The following PCDHA5 variants were observed in gnomAD, a reference collection of about 807,000 sequenced individuals.
PCDHA5 encodes the protein protocadherin alpha-5.
Under a neutral mutation model 61.6 loss-of-function variants are expected in PCDHA5, and 43 were observed. The observed-to-expected ratio is 0.70, with a 90% CI of 0.55 to 0.90. The LOEUF is 0.90. PCDHA5 is among the 40% of genes least tolerant of loss of function. The pLI, the probability that PCDHA5 is intolerant of heterozygous loss-of-function variation, is 0.00. For synonymous variants in PCDHA5, 627 were observed against 543.9 expected, an observed-to-expected ratio of 1.15 and a Z score of -2.13; for missense variants, 1,298 against 1,222.7, an observed-to-expected ratio of 1.06 and a Z score of -0.92.
Position 140,823,924 on chromosome 5 carries a change from T to A in PCDHA5, c.2149T>A (p.Tyr717Asn). ...SSLLVLTLLL[Y>N]TALRCSAQPT... ...CCTGCTGGTGCTCACGCTGCTGCTG[T>A]ACACCGCGCTGCGGTGCTCGGCGCA... Residue 717 changes from tyrosine to asparagine, a missense_variant, in exon 1 of 4, where the codon TAC becomes AAC. Physicochemically the swap from Tyr to Asn is moderately radical, Grantham distance 143 (BLOSUM62 -2). Coordinates refer to ENST00000529859, the MANE Select transcript of PCDHA5 (RefSeq NM_018908.3). The A allele has an allele frequency of 6.2e-7, 1 of 1,613,970 alleles. No homozygotes were observed. Among genetic ancestry groups the A allele is most frequent in the East Asian group, 2.2e-5 (1 of 44,870 alleles).
At chr5:140,964,840 C>G (rs1270845085) in intron 1 of PCDHA5, among the ~76,000 whole-genome samples, 1 of 152,152 alleles carries the variant, frequency 6.6e-6, no homozygotes, top group Non-Finnish European at 1.5e-5. Flanking sequence ...GCTTCCTACT[C>G]TGTACCCTTG....
intron 1 of PCDHA5, chr5:140,966,696 G>A (rs2096039255): frequency 7.4e-7 from 1 of 1,358,662 alleles, no homozygotes. Flanking sequence ...GGCGGGGCCC[G>A]GGCGTGGGGC....
intron 1 of PCDHA5, chr5:140,877,662 C>A (rs1176424464): frequency 1.9e-6 from 3 of 1,613,440 alleles, no homozygotes; most frequent in East Asian, 2.2e-5. Context: ...CCACCGTGAG[C>A]CGGTGCGCGC....
intron 1 of PCDHA5, chr5:140,869,756 GA>G: frequency 6.2e-7 from 1 of 1,613,194 alleles, no homozygotes; most frequent in South Asian, 1.1e-5. Context: ...ACAGACGGGG[GA>G]AAACCAGAGC....
At chr5:140,832,628 G>T (rs2150202916) in intron 1 of PCDHA5, among the ~76,000 whole-genome samples, 2 of 152,228 alleles carry the variant, frequency 1.3e-5, no homozygotes, top group South Asian at 2.1e-4. Flanking sequence ...TTTTTAAAAA[G>T]TTCCTAGGAG....
In PCDHA5 at chr5:140,883,030, C is replaced by G. The variant is rs1554176556; in HGVS notation, c.2352+58903C>G. ...TTTATAAAGTGACGGTGTTAGAGAA[C>G]GCCTTCAATGGAACATTAGTGATCA... On this transcript the variant is annotated intron_variant, in intron 1 of 3. Coordinates refer to ENST00000529859, the MANE Select transcript of PCDHA5 (RefSeq NM_018908.3). 1 of 1,613,940 alleles carries G rather than the reference C, an allele frequency of 6.2e-7. No individual in the cohort carries two copies. Among genetic ancestry groups the G allele is most frequent in the Non-Finnish European group, 8.5e-7 (1 of 1,180,036 alleles).
intron 1 of PCDHA5, chr5:140,927,270 C>A (rs541200655): frequency 1.2e-6 from 2 of 1,614,034 alleles, no homozygotes; most frequent in Non-Finnish European, 1.7e-6. Context: ...TCTTTCCTGC[C>A]GGCGACGTGC....
intron 1 of PCDHA5, among the ~76,000 whole-genome samples, chr5:140,975,301 C>A (rs943526337): frequency 2.3e-4 from 35 of 152,200 alleles, no homozygotes; most frequent in African/African-American, 8.4e-4. Flanking sequence ...TTAAAGAGCT[C>A]ATGTGATTAT....
intron 1 of PCDHA5, among the ~76,000 whole-genome samples, chr5:140,896,063 G>A (rs531616608): frequency 1.4e-3 from 217 of 152,130 alleles, no homozygotes; most frequent in African/African-American, 4.7e-3. Flanking sequence ...CGCCTGCCTC[G>A]GCCTCCCAAC....
At chr5:140,966,756 G>A (rs1476318654) in intron 1 of PCDHA5, 9 of 1,437,232 alleles carry the variant, frequency 6.3e-6, no homozygotes, top group Non-Finnish European at 8.2e-6. Flanking sequence ...CCTCCGCCGC[G>A]GCCAGTGGCT....
chr5:140,925,395 GCCT>G (rs2082476248), intron 1 of PCDHA5, among the ~76,000 whole-genome samples: 1 of 151,998 alleles, frequency 6.6e-6, no homozygotes, highest in Non-Finnish European at 1.5e-5. Flanking sequence ...CTTTTGGCTC[GCCT>G]CCTTCTTAGG....
intron 3 of PCDHA5, among the ~76,000 whole-genome samples, chr5:140,986,945 C>G (rs1295830111): frequency 1.3e-5 from 2 of 151,946 alleles, no homozygotes; most frequent in Non-Finnish European, 2.9e-5. Context: ...TGGGTGTGGT[C>G]GCTCATGCCT....
At chr5:140,968,507 T>A in intron 1 of PCDHA5, 1 of 1,614,178 alleles carries the variant, frequency 6.2e-7, no homozygotes, top group South Asian at 1.1e-5. Context: ...TCACATTCTG[T>A]ACCCTACCTC....
chr5:140,963,538 C>T (rs1450528022), intron 1 of PCDHA5, among the ~76,000 whole-genome samples: 2 of 152,188 alleles, frequency 1.3e-5, no homozygotes, highest in Non-Finnish European at 2.9e-5. Flanking sequence ...CCATTTACTT[C>T]ATGATATAAA....
At chr5:140,843,104 C>G (rs1327692669) in intron 1 of PCDHA5, 6 of 1,595,598 alleles carry the variant, frequency 3.8e-6, no homozygotes, top group Non-Finnish European at 4.3e-6. Context: ...AGCGAAGGTG[C>G]GCGCAGTGGA....
intron 1 of PCDHA5, chr5:140,853,930 A>G: frequency 1.1e-6 from 1 of 887,870 alleles, no homozygotes; most frequent in Non-Finnish European, 1.4e-6. Flanking sequence ...ACATTTTGGG[A>G]GGCCAAGGTG....
At position 140,883,599 on chromosome 5, in the gene PCDHA5, G is replaced by A. The variant is rs1562791244; in HGVS notation, c.2352+59472G>A. ...TGGGCCACGGCCAGCGTGTCGGTGG[G>A]GGTGGCCGACGTGAACGACAACGCG... On this transcript the variant is annotated intron_variant, in intron 1 of 3. Coordinates refer to ENST00000529859, the MANE Select transcript of PCDHA5 (RefSeq NM_018908.3). 4 of 1,614,016 alleles carry A rather than the reference G, an allele frequency of 2.5e-6. No homozygotes were observed. Among genetic ancestry groups the A allele is most frequent in the Non-Finnish European group, 3.4e-6 (4 of 1,179,942 alleles).
At chr5:140,876,558 T>C in intron 1 of PCDHA5, 1 of 1,614,216 alleles carries the variant, frequency 6.2e-7, no homozygotes, top group Non-Finnish European at 8.5e-7. Flanking sequence ...TGCAAGAGGA[T>C]GCTCAGGTGG....
At chr5:140,914,807 A>G (rs929659841) in intron 1 of PCDHA5, among the ~76,000 whole-genome samples, 2 of 152,330 alleles carry the variant, frequency 1.3e-5, no homozygotes, top group Middle Eastern at 3.4e-3. Context: ...ACTGATGGCA[A>G]CTTAACAGAC....
Sources: gnomAD v4.1 joint callset for allele counts (sites outside exome capture counted in the v4.1 genomes callset) on GRCh38, gnomAD v4.1.1 for gene constraint, MANE v1.5 for transcripts, NCBI Gene and HGNC (gene_info 2026-07-23, HGNC 2026-07-21) for gene names.